Variants in TMEM154 observed in about 807,000 individuals in gnomAD.
TMEM154 encodes transmembrane protein 154.
Under a neutral mutation model 24.5 loss-of-function variants are expected in TMEM154, and 27 were observed. That is an observed-to-expected ratio of 1.10 (90% CI 0.81 to 1.52). The LOEUF (loss-of-function observed/expected upper bound fraction) is 1.52, where lower values mean the gene tolerates loss of function less well. TMEM154 is among the 40% of genes most tolerant of loss of function. The pLI, the probability that TMEM154 is intolerant of heterozygous loss-of-function variation, is 0.00. For missense variants in TMEM154, 228 were observed against 213.4 expected (o/e 1.07, Z -0.43); for synonymous variants, 67 against 76.8 (o/e 0.87, Z 0.67).
At chr4:152,665,675 C>T (rs1051821543) in intron 1 of TMEM154, among the ~76,000 whole-genome samples, 9 of 152,082 alleles carry the variant, frequency 5.9e-5, no homozygotes, top group African/African-American at 1.9e-4. Flanking sequence ...GACAGCGGTC[C>T]TCAAACCTTA....
intron 6 of TMEM154, among the ~76,000 whole-genome samples, chr4:152,632,660 A>AT (rs1433365095): frequency 1.3e-5 from 2 of 152,022 alleles, no homozygotes; most frequent in African/African-American, 4.8e-5. Context: ...TATCACCTGC[A>AT]TTTTTTCAGT....
intron 6 of TMEM154, among the ~76,000 whole-genome samples, chr4:152,631,065 T>C (rs949800622): frequency 3.3e-5 from 5 of 152,226 alleles, no homozygotes; most frequent in Non-Finnish European, 7.3e-5. Flanking sequence ...CATTGCTACA[T>C]CTTTGGAAAC....
At chr4:152,663,003 G>A (rs1728643151) in intron 1 of TMEM154, among the ~76,000 whole-genome samples, 1 of 152,124 alleles carries the variant, frequency 6.6e-6, no homozygotes, top group South Asian at 2.1e-4. Flanking sequence ...CTTGGGGCCT[G>A]GGAAGAATTC....
chr4:152,628,847 A>AGG (rs1751976649), intron 6 of TMEM154, among the ~76,000 whole-genome samples: 3 of 149,798 alleles, frequency 2.0e-5, no homozygotes, highest in Non-Finnish European at 4.4e-5. Flanking sequence ...GGGTTTCACC[A>AGG]TGTTAGCCAG....
rs200120689 is a variant in TMEM154 at position 152,679,873 on chromosome 4, G to C, written c.61C>G (p.Arg21Gly). ...GTAGGAAGTGGAGGCGGCTTACCCC[G>C]GCCGACGGGAACGAGCGCGATCACC... Reference protein sequence around the residue: ...ALVIALVPVGRGNYEELENSG... With the variant: ...ALVIALVPVGGGNYEELENSG... The change falls in exon 1 of 7, where the codon CGG becomes GGG. Residue 21 changes from arginine (R) to glycine (G), a missense_variant. Transcript: ENST00000304385. 5 of 1,608,368 alleles carry C rather than the reference G, an allele frequency of 3.1e-6. No homozygotes were observed. The East Asian group carries it at 1.1e-4, about 36-fold the overall frequency.
At chr4:152,678,528 C>T (rs577967184) in intron 1 of TMEM154, among the ~76,000 whole-genome samples, 283 of 3,076 alleles carry the variant, frequency 0.092, no homozygotes, top group Non-Finnish European at 0.11. Context: ...TCCGGGGCGG[C>T]GGTGGGGGGA....
At position 152,628,580 on chromosome 4, in the gene TMEM154, A is replaced by AAAC. The variant is rs1561042579; in HGVS notation, c.537-20_537-19insGTT. The AAAC allele has an allele frequency of 6.4e-6, 7 of 1,094,302 alleles. No individual in the cohort carries two copies. The African/African-American group carries it at 9.6e-5, about 15-fold the overall frequency. The allele number at this position is 1,094,302 out of a possible 1,614,324, so 67.8% of individuals were successfully genotyped here. A position where few individuals can be genotyped will look rare whatever the true frequency, so the allele number is the denominator to read the frequency against. On this transcript the variant is annotated intron_variant, in intron 6 of 6. Transcript: ENST00000304385. ...ACTGTCACTGTAAAAAAAAAAAAAA[A>AAAC]AAAAAAAAAAAACAAAAAAAACACA...
At chr4:152,632,237 A>T (rs1752059532) in intron 6 of TMEM154, among the ~76,000 whole-genome samples, 1 of 151,936 alleles carries the variant, frequency 6.6e-6, no homozygotes, top group Non-Finnish European at 1.5e-5. Context: ...ACTCAAACTC[A>T]CCTGGAGTAT....
At position 152,620,101 on chromosome 4, in the gene TMEM154, C is replaced by T. The variant is rs1295023397; in HGVS notation, c.*8445G>A. 1 of 152,136 alleles carries T rather than the reference C, an allele frequency of 6.6e-6. No individual in the cohort carries two copies. Among genetic ancestry groups the T allele is most frequent in the Non-Finnish European group, 1.5e-5 (1 of 68,054 alleles). The allele number at this position is 152,136 out of a possible 1,614,324, so 9.4% of individuals were successfully genotyped here. ...TTCTAGGCTGGAGTATCCTGCAAGC[C>T]AGCACGACTATGGCTGTGAAGAGGC... On this transcript the variant is annotated 3_prime_UTR_variant, in exon 7 of 7. Coordinates refer to ENST00000304385, the MANE Select transcript of TMEM154 (RefSeq NM_152680.3).
rs1751932496 is a variant in TMEM154 at position 152,626,888 on chromosome 4, TGA to T, written c.*1656_*1657del. 1.3e-5 allele frequency: 2 copies of T among 152,206 alleles called. No individual in the cohort carries two copies. The highest frequency in any genetic ancestry group is 4.1e-4 in the South Asian group (2 of 4,830). The allele number at this position is 152,206 out of a possible 1,614,324, so 9.4% of individuals were successfully genotyped here. ...TGTATGCAATTTTGGCATAAATATC[TGA>T]GAGTCACTGTGGGCCATGAGTTGAA... is the stretch of plus-strand genomic sequence containing the variant. On this transcript the variant is annotated 3_prime_UTR_variant, in exon 7 of 7. Transcript: ENST00000304385.
chr4:152,628,286 C>T lies in TMEM154; in HGVS notation c.*260G>A. The T allele has an allele frequency of 3.4e-6, 2 of 592,324 alleles. No homozygotes were observed. The highest frequency in any genetic ancestry group is 2.9e-6 in the Non-Finnish European group (1 of 340,554). 36.7% of individuals were successfully genotyped at this position (592,324 alleles called of 1,614,324 possible). On this transcript the variant is annotated 3_prime_UTR_variant, in exon 7 of 7. Transcript: ENST00000304385. ...ACATGTTGATCAGAAGTGAGCACAT[C>T]ACCCGCCTCCTTCTCCACCCTCAGA... is the stretch of plus-strand genomic sequence containing the variant.
chr4:152,676,859 A>C (rs569741975), intron 1 of TMEM154, among the ~76,000 whole-genome samples: 1 of 152,274 alleles, frequency 6.6e-6, no homozygotes, highest in African/African-American at 2.4e-5. Flanking sequence ...TTGGCCACCA[A>C]AACAGTCACA....
chr4:152,644,808 A>T (rs569277744), intron 3 of TMEM154, among the ~76,000 whole-genome samples: 1 of 152,308 alleles, frequency 6.6e-6, no homozygotes, highest in South Asian at 2.1e-4. Flanking sequence ...AATGTCCCAG[A>T]TCTAAAGGCT....
Position 152,639,984 on chromosome 4 carries a change from C to T in TMEM154, c.536+944G>A, listed in dbSNP as rs146921023. ...TCTTAAGTGAGGTTTAGGGGGGAGA[C>T]GCAGGAAAAGGGTCCGAAGATAAAC... On this transcript the variant is annotated intron_variant, in intron 6 of 6. Coordinates refer to ENST00000304385, the MANE Select transcript of TMEM154 (RefSeq NM_152680.3). Among the ~76,000 whole-genome samples the T allele has an allele frequency of 2.4e-3, 361 of 152,100 alleles. 2 individuals are homozygous for T. The highest frequency in any genetic ancestry group is 8.3e-3 in the African/African-American group (345 of 41,476).
At chr4:152,647,163 G>A (rs912473999) in intron 3 of TMEM154, 2 of 981,950 alleles carry the variant, frequency 2.0e-6, no homozygotes, top group African/African-American at 3.5e-5. Flanking sequence ...TCCTAGTATA[G>A]TATAACAGAC....
chr4:152,646,553 C>T (rs1728239649), intron 3 of TMEM154: 1 of 186,200 alleles, frequency 5.4e-6, no homozygotes, highest in Admixed American at 5.8e-5. Flanking sequence ...TGAATAGCCA[C>T]CTATTCCCTT....
intron 1 of TMEM154, among the ~76,000 whole-genome samples, chr4:152,678,309 C>A (rs750056419): frequency 2.6e-5 from 4 of 151,878 alleles, no homozygotes; most frequent in Non-Finnish European, 5.9e-5. Context: ...TCTCTTTTTG[C>A]ATCTCCTGAA....
chr4:152,650,583 A>G (rs1307313804), intron 3 of TMEM154, among the ~76,000 whole-genome samples: 1 of 152,206 alleles, frequency 6.6e-6, no homozygotes, highest in African/African-American at 2.4e-5. Context: ...ACGTCTTCCA[A>G]AATACTGTTG....
intron 1 of TMEM154, among the ~76,000 whole-genome samples, chr4:152,662,409 G>C (rs1728630026): frequency 6.6e-6 from 1 of 152,134 alleles, no homozygotes; most frequent in African/African-American, 2.4e-5. Context: ...GTTTGTGCAA[G>C]GAGGAATCAA....
Sources: allele counts gnomAD v4.1 joint callset (sites outside exome capture counted in the v4.1 genomes callset), GRCh38; gene constraint gnomAD v4.1.1; transcripts MANE v1.5; gene names NCBI Gene and HGNC (gene_info 2026-07-23, HGNC 2026-07-21).